The following CSMD1 variants were observed in gnomAD, a reference collection of about 807,000 sequenced individuals.
The protein encoded by CSMD1 is CUB and sushi domain-containing protein 1.
A neutral mutation model predicts 417.5 loss-of-function variants in CSMD1; 213 were observed. The ratio of observed to expected loss-of-function variants is 0.51; its 90% CI spans 0.46 to 0.57. The LOEUF is 0.57. CSMD1 is among the 20% of genes least tolerant of loss of function. CSMD1 has a pLI of 0.00. For missense variants in CSMD1, 6,923 were observed against 4,529.7 expected (o/e 1.53, Z -15.17); for synonymous variants, 2,862 against 1,736.8 (o/e 1.65, Z -16.11).
chr8:3,993,378 G>C (rs932542276), intron 5 of CSMD1, among the ~76,000 whole-genome samples: 5 of 152,128 alleles, frequency 3.3e-5, no homozygotes, highest in African/African-American at 9.7e-5. Flanking sequence ...AAATTAAATA[G>C]ACACCAAGTC....
At chr8:4,687,835 A>T (rs1341378666) in intron 1 of CSMD1, among the ~76,000 whole-genome samples, 1 of 91,328 alleles carries the variant, frequency 1.1e-5, no homozygotes, top group Non-Finnish European at 2.1e-5. Flanking sequence ...ACATACATAC[A>T]TACACACACA....
intron 2 of CSMD1, among the ~76,000 whole-genome samples, chr8:4,538,952 G>A (rs1342596011): frequency 6.6e-6 from 1 of 152,084 alleles, no homozygotes; most frequent in African/African-American, 2.4e-5. Flanking sequence ...TATTTTTTCA[G>A]CAAAATGCTA....
At chr8:4,170,600 T>C (rs1161862015) in intron 3 of CSMD1, among the ~76,000 whole-genome samples, 1 of 151,874 alleles carries the variant, frequency 6.6e-6, no homozygotes, top group Non-Finnish European at 1.5e-5. Context: ...CAAATTCTGT[T>C]TCTACAAACA....
At chr8:3,384,155 T>A (rs1016757757) in intron 18 of CSMD1, among the ~76,000 whole-genome samples, 21 of 152,154 alleles carry the variant, frequency 1.4e-4, no homozygotes, top group Non-Finnish European at 2.4e-4. Flanking sequence ...GGGAAATGCA[T>A]TGAGCTACAC....
At chr8:3,672,588 G>A (rs976131334) in intron 7 of CSMD1, among the ~76,000 whole-genome samples, 1 of 152,178 alleles carries the variant, frequency 6.6e-6, no homozygotes, top group Non-Finnish European at 1.5e-5. Flanking sequence ...CCAATAATGT[G>A]TTTACATTTG....
At chr8:3,404,284 G>C (rs1310531497) in intron 15 of CSMD1, among the ~76,000 whole-genome samples, 1 of 151,124 alleles carries the variant, frequency 6.6e-6, no homozygotes, top group African/African-American at 2.4e-5. Flanking sequence ...GCAGTGAGCT[G>C]AGATTGCACC....
At chr8:3,858,410 A>T (rs1158620678) in intron 5 of CSMD1, among the ~76,000 whole-genome samples, 1 of 152,128 alleles carries the variant, frequency 6.6e-6, no homozygotes, top group Non-Finnish European at 1.5e-5. Context: ...GCTGTTTCTT[A>T]CCTTTTAAAT....
chr8:4,310,637 G>C (rs1392700787), intron 3 of CSMD1, among the ~76,000 whole-genome samples: 2 of 152,118 alleles, frequency 1.3e-5, no homozygotes, highest in Admixed American at 6.6e-5. Context: ...AAATGAGTCA[G>C]ACACATTTGA....
intron 3 of CSMD1, among the ~76,000 whole-genome samples, chr8:4,290,468 G>A (rs1797299695): frequency 6.6e-6 from 1 of 152,102 alleles, no homozygotes; most frequent in South Asian, 2.1e-4. Flanking sequence ...TTAAACAAGG[G>A]TCAGGGACAC....
intron 5 of CSMD1, among the ~76,000 whole-genome samples, chr8:3,805,720 T>C (rs1056543276): frequency 6.6e-6 from 1 of 152,174 alleles, no homozygotes; most frequent in Non-Finnish European, 1.5e-5. Flanking sequence ...TCTTCTTTTT[T>C]TAATTCGAGA....
intron 1 of CSMD1, among the ~76,000 whole-genome samples, chr8:4,881,070 C>T (rs1803365390): frequency 6.6e-6 from 1 of 152,028 alleles, no homozygotes; most frequent in Non-Finnish European, 1.5e-5. Context: ...TCCTAGAGGA[C>T]TCTGCCAGCT....
intron 49 of CSMD1, among the ~76,000 whole-genome samples, chr8:3,055,785 G>C (rs1481526399): frequency 6.6e-6 from 1 of 152,090 alleles, no homozygotes; most frequent in Non-Finnish European, 1.5e-5. Context: ...GTTAAATTTT[G>C]TTTGGGAGCA....
chr8:3,165,761 G>C (rs1007129490), intron 37 of CSMD1, among the ~76,000 whole-genome samples: 3 of 152,104 alleles, frequency 2.0e-5, no homozygotes, highest in Non-Finnish European at 2.9e-5. Flanking sequence ...AAGACAGCTA[G>C]GCTTGACATA....
chr8:4,128,858 C>G (rs1802920708), intron 3 of CSMD1, among the ~76,000 whole-genome samples: 1 of 152,078 alleles, frequency 6.6e-6, no homozygotes, highest in South Asian at 2.1e-4. Context: ...GTGTTACAGG[C>G]TCTGTGCATG....
rs141442785 is a variant in CSMD1, at chr8:3,930,938, T to G, written c.818+66965A>C. Among the ~76,000 whole-genome samples, 55 of 150,686 alleles carry G rather than the reference T, an allele frequency of 3.6e-4. 2 individuals are homozygous for G. The highest frequency in any genetic ancestry group is 1.3e-3 in the African/African-American group (52 of 40,966). ...TACAATGGTTCAATTGTTGCTAGGA[T>G]TCTTAAAAACCTAAAATACATCAGC... On this transcript the variant is annotated intron_variant, in intron 5 of 69. Coordinates refer to ENST00000635120, the MANE Select transcript of CSMD1 (RefSeq NM_033225.6).
At chr8:3,444,088 T>A (rs143631824) in intron 12 of CSMD1, among the ~76,000 whole-genome samples, 1 of 152,010 alleles carries the variant, frequency 6.6e-6, no homozygotes, top group African/African-American at 2.4e-5. Flanking sequence ...CACACGCACA[T>A]ACACACTCAC....
intron 1 of CSMD1, among the ~76,000 whole-genome samples, chr8:4,984,882 C>T (rs1339402239): frequency 6.6e-6 from 1 of 152,046 alleles, no homozygotes; most frequent in Non-Finnish European, 1.5e-5. Flanking sequence ...TGCTAGTGAG[C>T]CATGTGATAT....
chr8:2,969,280 A>C (rs1338885722), intron 57 of CSMD1, among the ~76,000 whole-genome samples: 1 of 152,144 alleles, frequency 6.6e-6, no homozygotes, highest in Non-Finnish European at 1.5e-5. Flanking sequence ...CTTATTGAGT[A>C]AAGTGTAGCT....
Position 4,933,866 on chromosome 8 carries a change from T to C in CSMD1, c.85+60466A>G, listed in dbSNP as rs142974139. 1.5e-3 allele frequency among the ~76,000 whole-genome samples: 236 copies of C among 152,336 alleles called. 7 individuals are homozygous for C. The East Asian group carries it at 0.017, about 11-fold the overall frequency. On this transcript the variant is annotated intron_variant, in intron 1 of 69. Coordinates refer to ENST00000635120, the MANE Select transcript of CSMD1 (RefSeq NM_033225.6). ...TACTATAGATATTTACAAAGATACA[T>C]TGAGGCAGAGAAGCATCATTTCAAG...
Sources: gnomAD v4.1 joint callset for allele counts (sites outside exome capture counted in the v4.1 genomes callset) on GRCh38, gnomAD v4.1.1 for gene constraint, MANE v1.5 for transcripts, NCBI Gene and HGNC (gene_info 2026-07-23, HGNC 2026-07-21) for gene names.